Variants in CDH18 observed in about 807,000 individuals in gnomAD.
The protein encoded by CDH18 is cadherin-18.
A neutral mutation model predicts 67.9 loss-of-function variants in CDH18; 31 were observed. That is an observed-to-expected ratio of 0.46 (90% CI 0.34 to 0.62). The LOEUF is 0.62. CDH18 is among the 20% of genes least tolerant of loss of function. The pLI, the probability that CDH18 is intolerant of heterozygous loss-of-function variation, is 0.01. For missense variants in CDH18, 890 were observed against 975.5 expected (o/e 0.91, Z 1.17); for synonymous variants, 362 against 347.2 (o/e 1.04, Z -0.48).
At chr5:19,900,781 C>T (rs551591782) in intron 2 of CDH18, among the ~76,000 whole-genome samples, 1 of 152,090 alleles carries the variant, frequency 6.6e-6, no homozygotes, top group East Asian at 1.9e-4. Flanking sequence ...ATTTGTTCTC[C>T]TGAGTTTTAA....
intron 2 of CDH18, among the ~76,000 whole-genome samples, chr5:20,052,872 T>C (rs1002899366): frequency 6.6e-6 from 1 of 152,100 alleles, no homozygotes; most frequent in Non-Finnish European, 1.5e-5. Flanking sequence ...GGGAAAATCA[T>C]GTATCTAATT....
At chr5:20,230,714 T>C (rs1014236436) in intron 2 of CDH18, among the ~76,000 whole-genome samples, 1 of 152,126 alleles carries the variant, frequency 6.6e-6, no homozygotes, top group South Asian at 2.1e-4. Flanking sequence ...ACCCTTCAAG[T>C]TTATTCAATT....
intron 2 of CDH18, among the ~76,000 whole-genome samples, chr5:19,874,199 T>C (rs1415306649): frequency 6.6e-6 from 1 of 152,170 alleles, no homozygotes; most frequent in Non-Finnish European, 1.5e-5. Context: ...TGAAATGTGA[T>C]CTATATTCTG....
chr5:19,684,173 C>T (rs1760738220), intron 5 of CDH18, among the ~76,000 whole-genome samples: 1 of 151,990 alleles, frequency 6.6e-6, no homozygotes, highest in Admixed American at 6.6e-5. Flanking sequence ...AAATCATAGA[C>T]AAATGTCTAC....
chr5:19,749,882 T>C (rs879833736), intron 3 of CDH18, among the ~76,000 whole-genome samples: 2 of 151,838 alleles, frequency 1.3e-5, no homozygotes, highest in East Asian at 1.9e-4. Context: ...TCTGAAGATA[T>C]GACTAATTTG....
chr5:19,618,088 A>G (rs1750118285), intron 5 of CDH18, among the ~76,000 whole-genome samples: 1 of 152,202 alleles, frequency 6.6e-6, no homozygotes, highest in African/African-American at 2.4e-5. Context: ...GAACAAATAA[A>G]CAAGCCTGCA....
intron 2 of CDH18, among the ~76,000 whole-genome samples, chr5:19,906,457 A>G (rs1170168268): frequency 6.6e-6 from 1 of 151,968 alleles, no homozygotes; most frequent in Non-Finnish European, 1.5e-5. Context: ...GTATAAAATA[A>G]CAATTATATT....
rs1234149346 is a variant in CDH18 at position 19,994,730 on chromosome 5, TATATATATAGAGAGAGAGAG to T, written c.-517-2736_-517-2717del. Among the ~76,000 whole-genome samples, 72 of 16,672 alleles carry T rather than the reference TATATATATAGAGAGAGAGAG, an allele frequency of 4.3e-3. 3 individuals are homozygous for T. The highest frequency in any genetic ancestry group is 0.05 in the Middle Eastern group (1 of 20). 10.9% of individuals were successfully genotyped at this position (16,672 alleles called of 152,430 possible). On this transcript the variant is annotated intron_variant, in intron 2 of 14. Coordinates refer to the CDH18 transcript ENST00000507958. ...ATATATATATATATATATATATATA[TATATATATAGAGAGAGAGAG>T]AGAGAGAGAGAGAGAGAGAGAGAGA...
intron 2 of CDH18, among the ~76,000 whole-genome samples, chr5:19,870,015 G>T (rs1405138958): frequency 6.6e-6 from 1 of 152,050 alleles, no homozygotes; most frequent in Non-Finnish European, 1.5e-5. Context: ...CTACCATTAA[G>T]CTCCAGTATT....
rs767890238 is a variant in CDH18, at chr5:19,780,494, C to A, written c.229-33258G>T. 8.6e-5 allele frequency among the ~76,000 whole-genome samples: 13 copies of A among 151,986 alleles called. 1 individual carries two copies. The highest frequency in any genetic ancestry group is 1.9e-4 in the Non-Finnish European group (13 of 67,976). ...TTGTTCACAAAATATTTAAATATAT[C>A]TGTTTAGTCTAAATTAGGAACAAAA... On this transcript the variant is annotated intron_variant, in intron 3 of 12. Coordinates refer to ENST00000382275, the MANE Select transcript of CDH18 (RefSeq NM_004934.5).
intron 2 of CDH18, among the ~76,000 whole-genome samples, chr5:20,008,613 G>A (rs1231722721): frequency 6.6e-6 from 1 of 152,076 alleles, no homozygotes; most frequent in East Asian, 1.9e-4. Context: ...GAAAATATAT[G>A]CCATGTTTAC....
At chr5:20,464,164 T>C (rs1751472099) in intron 1 of CDH18, among the ~76,000 whole-genome samples, 1 of 152,134 alleles carries the variant, frequency 6.6e-6, no homozygotes, top group South Asian at 2.1e-4. Context: ...AACAACAGTA[T>C]CTAACAGACC....
At chr5:19,735,465 C>T (rs1269097219) in intron 4 of CDH18, among the ~76,000 whole-genome samples, 4 of 149,568 alleles carry the variant, frequency 2.7e-5, no homozygotes, top group Middle Eastern at 3.4e-3. Flanking sequence ...GGCGTGATCT[C>T]GGCTCACTGC....
intron 2 of CDH18, among the ~76,000 whole-genome samples, chr5:19,906,195 C>A (rs921676471): frequency 4.6e-5 from 7 of 151,804 alleles, no homozygotes; most frequent in African/African-American, 1.4e-4. Context: ...TCCATGATAG[C>A]AGGGATTTCA....
chr5:20,454,737 C>A (rs1750714413), intron 1 of CDH18, among the ~76,000 whole-genome samples: 1 of 152,086 alleles, frequency 6.6e-6, no homozygotes, highest in South Asian at 2.1e-4. Context: ...AGTTCATGTT[C>A]ATGTCCTCCT....
intron 2 of CDH18, among the ~76,000 whole-genome samples, chr5:20,086,694 G>A (rs1004716680): frequency 6.6e-6 from 1 of 152,176 alleles, no homozygotes; most frequent in African/African-American, 2.4e-5. Context: ...TGGGATGACA[G>A]CAGGTCTGTT....
intron 8 of CDH18, among the ~76,000 whole-genome samples, chr5:19,569,808 T>C (rs1436080919): frequency 6.6e-6 from 1 of 152,138 alleles, no homozygotes; most frequent in Non-Finnish European, 1.5e-5. Context: ...CGATACATAT[T>C]TAAGGTGATG....
intron 5 of CDH18, among the ~76,000 whole-genome samples, chr5:19,617,540 T>C (rs1226516305): frequency 2.0e-5 from 3 of 152,230 alleles, no homozygotes; most frequent in Non-Finnish European, 2.9e-5. Flanking sequence ...AATAAAATGC[T>C]TCTCTTTTCA....
In CDH18 at chr5:19,814,037, A is replaced by T. The variant is rs1372559932; in HGVS notation, c.228+24722T>A. ...CCTTAGGGATGAGGAGGATAGGAGAATATTGTCTTTTTGTGTGTGTGCAGA... is the reference window on the plus strand; with the variant it reads ...CCTTAGGGATGAGGAGGATAGGAGATTATTGTCTTTTTGTGTGTGTGCAGA... On this transcript the variant is annotated intron_variant, in intron 3 of 12. Coordinates refer to ENST00000382275, the MANE Select transcript of CDH18 (RefSeq NM_004934.5). 2.0e-5 allele frequency among the ~76,000 whole-genome samples: 3 copies of T among 151,938 alleles called. No individual in the cohort carries two copies. The South Asian group carries it at 6.2e-4, about 32-fold the overall frequency.
Sources: gnomAD v4.1 joint callset for allele counts (sites outside exome capture counted in the v4.1 genomes callset) on GRCh38, gnomAD v4.1.1 for gene constraint, MANE v1.5 for transcripts, NCBI Gene and HGNC (gene_info 2026-07-23, HGNC 2026-07-21) for gene names.